Variants in CHST6 observed in about 807,000 individuals in gnomAD.
CHST6 encodes the protein carbohydrate sulfotransferase 6, also known as N-acetylglucosamine 6-O-sulfotransferase 5.
For missense variants in CHST6, 698 were observed against 586.2 expected (o/e 1.19, Z -1.97); for synonymous variants, 309 against 276.4 (o/e 1.12, Z -1.17).
rs918992137 is a variant in CHST6 at position 75,478,323 on chromosome 16, G to A, written c.*318C>T. Reference sequence around the variant, plus strand: ...GCTGCTGCAGGATGTGTCACCAGAAGGAGAGAGTTAAAGGGGAAGAAAGCC... The same window carrying A: ...GCTGCTGCAGGATGTGTCACCAGAAAGAGAGAGTTAAAGGGGAAGAAAGCC... On this transcript the variant is annotated 3_prime_UTR_variant, in exon 3 of 3. Transcript: ENST00000332272. The A allele has an allele frequency of 9.5e-6, 4 of 422,760 alleles. No homozygotes were observed. Among genetic ancestry groups the A allele is most frequent in the South Asian group, 6.6e-5 (3 of 45,536 alleles). 26.2% of individuals were successfully genotyped at this position (422,760 alleles called of 1,614,324 possible).
chr16:75,488,734 A>G (rs981667500), intron 1 of CHST6, among the ~76,000 whole-genome samples: 4 of 152,072 alleles, frequency 2.6e-5, no homozygotes, highest in Admixed American at 2.0e-4. Flanking sequence ...CTGTAATCCC[A>G]GCACTTTGGG....
In CHST6 at chr16:75,472,485, G is replaced by A. The variant is rs1597466197; in HGVS notation, c.*6156C>T. On this transcript the variant is annotated 3_prime_UTR_variant, in exon 3 of 3. Transcript: ENST00000332272. ...AAAAAGGAATACAGTTGAGTCATAA[G>A]CATGAAAAGATGTTCAGCTGCCCCA... 3 of 152,342 alleles carry A rather than the reference G, an allele frequency of 2.0e-5. No individual in the cohort carries two copies. The highest frequency in any genetic ancestry group is 4.1e-4 in the South Asian group (2 of 4,834). 9.4% of individuals were successfully genotyped at this position (152,342 alleles called of 1,614,324 possible).
chr16:75,488,229 C>T (rs1329639059), intron 1 of CHST6, among the ~76,000 whole-genome samples: 7 of 151,922 alleles, frequency 4.6e-5, no homozygotes, highest in African/African-American at 9.7e-5. Flanking sequence ...TTTGGGAGGC[C>T]GAGGCAGGTG....
chr16:75,493,072 C>A (rs1427404241), intron 1 of CHST6, among the ~76,000 whole-genome samples: 1 of 152,034 alleles, frequency 6.6e-6, no homozygotes, highest in East Asian at 1.9e-4. Context: ...CCCATTTCCC[C>A]GCCCAAGACA....
chr16:75,484,782 T>C (rs1474474914), intron 1 of CHST6, among the ~76,000 whole-genome samples: 1 of 152,006 alleles, frequency 6.6e-6, no homozygotes, highest in Non-Finnish European at 1.5e-5. Flanking sequence ...AGATGGAGGT[T>C]GCAGTGAGCT....
At chr16:75,480,789 C>T (rs1006321419) in intron 2 of CHST6, among the ~76,000 whole-genome samples, 6 of 151,492 alleles carry the variant, frequency 4.0e-5, no homozygotes, top group Admixed American at 3.3e-4. Context: ...ATTAGCCGGG[C>T]GTGGTAGCGG....
chr16:75,485,033 C>A (rs940375265), intron 1 of CHST6, among the ~76,000 whole-genome samples: 2 of 152,114 alleles, frequency 1.3e-5, no homozygotes, highest in African/African-American at 2.4e-5. Flanking sequence ...GCCTTCCAAC[C>A]TCAGAGGCAA....
At chr16:75,483,992 C>G (rs2472204) in intron 1 of CHST6, among the ~76,000 whole-genome samples, 1 of 151,860 alleles carries the variant, frequency 6.6e-6, no homozygotes, top group Non-Finnish European at 1.5e-5. Flanking sequence ...TGACTGCACT[C>G]CAGCCTGGAA....
At position 75,479,387 on chromosome 16, in the gene CHST6, C is replaced by G; in HGVS notation, c.442G>C (p.Val148Leu). The G allele has an allele frequency of 6.2e-7, 1 of 1,612,552 alleles. No homozygotes were observed. The highest frequency in any genetic ancestry group is 8.5e-7 in the Non-Finnish European group (1 of 1,179,782). The change falls in exon 3 of 3, where the codon GTG becomes CTG. Residue 148 changes from valine to leucine, a missense_variant. By Grantham distance (32) the Val-to-Leu change is conservative (BLOSUM62 1). Coordinates refer to ENST00000332272, the MANE Select transcript of CHST6 (RefSeq NM_021615.5). ...TGCCGCGCGCACAGTGGCTTGCACA[C>G]GGCCTCGCTGCTGATGGCGCCTCGG... ...FPRGAISSEA[V>L]CKPLCARQSF...
At chr16:75,482,223 C>G (rs1273108758) in intron 1 of CHST6, among the ~76,000 whole-genome samples, 1 of 152,190 alleles carries the variant, frequency 6.6e-6, no homozygotes, top group African/African-American at 2.4e-5. Flanking sequence ...CACCCTCTGG[C>G]CTCCAACCAC....
rs1280053993 is a variant in CHST6, at chr16:75,477,304, GC to G, written c.*1336del. ...ATGCCAGATCTCCCTTGCCCTGCTTGCTTTGCAGGGAGGATGTGACTCCACA... is the reference window on the plus strand; with the variant it reads ...ATGCCAGATCTCCCTTGCCCTGCTTGTTTGCAGGGAGGATGTGACTCCACA... On this transcript the variant is annotated 3_prime_UTR_variant, in exon 3 of 3. Coordinates refer to ENST00000332272, the MANE Select transcript of CHST6 (RefSeq NM_021615.5). 6.6e-6 allele frequency: 1 copy of G among 152,142 alleles called. No homozygotes were observed. Among genetic ancestry groups the G allele is most frequent in the African/African-American group, 2.4e-5 (1 of 41,416 alleles). 9.4% of individuals were successfully genotyped at this position (152,142 alleles called of 1,614,324 possible).
chr16:75,488,835 C>T (rs2080228637), intron 1 of CHST6, among the ~76,000 whole-genome samples: 1 of 149,958 alleles, frequency 6.7e-6, no homozygotes, highest in South Asian at 2.1e-4. Flanking sequence ...TGCAGTGAGC[C>T]TAGATCACGC....
Position 75,472,344 on chromosome 16 carries a change from A to G in CHST6, c.*6297T>C, listed in dbSNP as rs1168274220. Reference sequence around the variant, plus strand: ...CATAAAGTAAGTTAACAAAACAACAACAACAAAAAACAGATGACAAGCTAG... The same window carrying G: ...CATAAAGTAAGTTAACAAAACAACAGCAACAAAAAACAGATGACAAGCTAG... On this transcript the variant is annotated 3_prime_UTR_variant, in exon 3 of 3. Transcript: ENST00000332272. 6.6e-6 allele frequency: 1 copy of G among 152,236 alleles called. No individual in the cohort carries two copies. The highest frequency in any genetic ancestry group is 1.5e-5 in the Non-Finnish European group (1 of 68,050). 9.4% of individuals were successfully genotyped at this position (152,236 alleles called of 1,614,324 possible).
At position 75,478,890 on chromosome 16, in the gene CHST6, A is replaced by G. The variant is rs1158357251; in HGVS notation, c.939T>C (p.Gly313=). ...AAGTCTTGAAGGCTTCGCGGCGCGC[A>G]CCAGGTCCAGATCCGTGGGTGATGT... is the stretch of plus-strand genomic sequence containing the variant. The part of the protein sequence containing the change: ...IHNITHGSGP[G]ARREAFKTSS... Residue 313 remains glycine (G), a synonymous_variant, in exon 3 of 3, where the codon GGT becomes GGC. Coordinates refer to ENST00000332272, the MANE Select transcript of CHST6 (RefSeq NM_021615.5). 6.8e-6 allele frequency: 11 copies of G among 1,613,370 alleles called. No homozygotes were observed. Among genetic ancestry groups the G allele is most frequent in the Non-Finnish European group, 9.3e-6 (11 of 1,179,970 alleles).
chr16:75,486,525 C>T (rs527301659), intron 1 of CHST6, among the ~76,000 whole-genome samples: 5 of 152,242 alleles, frequency 3.3e-5, no homozygotes, highest in African/African-American at 9.6e-5. Context: ...CCTGCCCCCC[C>T]AGCCCACACA....
In CHST6 at chr16:75,479,136, C is replaced by T. The variant is rs776283885; in HGVS notation, c.693G>A (p.Thr231=). 1.5e-5 allele frequency: 24 copies of T among 1,606,350 alleles called. No homozygotes were observed. The highest frequency in any genetic ancestry group is 1.8e-5 in the Non-Finnish European group (21 of 1,178,810). The change falls in exon 3 of 3, where the codon ACG becomes ACA. Residue 231 remains threonine, a synonymous_variant. Transcript: ENST00000332272. The part of the protein sequence containing the change: ...DNGIVLGTNG[T]WVEADPGLRV... ...GCAGGCCGGGGTCGGCCTCCACCCA[C>T]GTGCCGTTGGTGCCCAGCACGATGC...
intron 1 of CHST6, among the ~76,000 whole-genome samples, chr16:75,482,780 G>GC (rs1467905800): frequency 2.0e-5 from 3 of 152,080 alleles, no homozygotes; most frequent in Non-Finnish European, 4.4e-5. Flanking sequence ...AGAAGCCAGG[G>GC]TCTAACTTGT....
chr16:75,481,582 TGA>T (rs1597476039), intron 2 of CHST6, among the ~76,000 whole-genome samples: 1 of 151,732 alleles, frequency 6.6e-6, no homozygotes, highest in East Asian at 1.9e-4. Flanking sequence ...GGCAATAGAG[TGA>T]GACTCTTTCT....
intron 1 of CHST6, among the ~76,000 whole-genome samples, chr16:75,483,982 T>C (rs895481389): frequency 2.0e-5 from 3 of 151,618 alleles, no homozygotes; most frequent in African/African-American, 7.3e-5. Context: ...AGAGACTGTG[T>C]GACTGCACTC....
Sources: gnomAD v4.1 joint callset for allele counts (sites outside exome capture counted in the v4.1 genomes callset) on GRCh38, gnomAD v4.1.1 for gene constraint, MANE v1.5 for transcripts, NCBI Gene and HGNC (gene_info 2026-07-23, HGNC 2026-07-21) for gene names.